Variants in BRI3BP observed in about 807,000 individuals in gnomAD.
BRI3BP encodes BRI3 binding protein, also known as BRI3-binding protein.
In BRI3BP, 7 loss-of-function variants were observed where a neutral mutation model predicts 15.8. The ratio of observed to expected loss-of-function variants is 0.44; its 90% CI spans 0.25 to 0.83. The LOEUF (loss-of-function observed/expected upper bound fraction) is 0.83. Ranked by LOEUF, BRI3BP falls within the 40% of genes least tolerant of loss-of-function variation. The probability of loss-of-function intolerance (pLI) is 0.20; values close to 1 mark genes in which losing one functional copy is unlikely to be tolerated. For synonymous variants in BRI3BP, 192 were observed against 163.5 expected, an observed-to-expected ratio of 1.17 and a Z score of -1.33; for missense variants, 320 against 339.3, an observed-to-expected ratio of 0.94 and a Z score of 0.45.
chr12:125,033,532 G>A (rs935979465), downstream of BRI3BP, among the ~76,000 whole-genome samples: 7 of 151,676 alleles, frequency 4.6e-5, no homozygotes, highest in Non-Finnish European at 8.8e-5. Flanking sequence ...TCCTGCTTGC[G>A]CATTCCCCTT....
At position 125,017,016 on chromosome 12, in the gene BRI3BP, A is replaced by AT. The variant is rs201493577; in HGVS notation, c.316+4382dup. Among the ~76,000 whole-genome samples the AT allele has an allele frequency of 8.2e-4, 114 of 139,458 alleles. 1 individual carries two copies. The highest frequency in any genetic ancestry group is 2.5e-3 in the African/African-American group (96 of 37,838). The allele number at this position is 139,458 out of a possible 152,430, so 91.5% of individuals were successfully genotyped here. On this transcript the variant is annotated intron_variant, in intron 2 of 2. Transcript: ENST00000341446. ...ACATCTGGCTAACGTTTGTATTATT[A>AT]TTATTATTTTTTTTTTTCTGAGACC...
chr12:125,043,625 G>A, the BRI3BP span, among the ~76,000 whole-genome samples: 1 of 151,982 alleles, frequency 6.6e-6, no homozygotes, highest in Non-Finnish European at 1.5e-5. Context: ...GGGAGGCCGA[G>A]GTGGGCCAAT....
chr12:125,041,810 C>T, the BRI3BP span, among the ~76,000 whole-genome samples: 2 of 152,226 alleles, frequency 1.3e-5, no homozygotes, highest in Admixed American at 1.3e-4. Context: ...AATCCTTCCC[C>T]CTTAGTCTCC....
At chr12:124,998,613 G>A (rs1211564680) in intron 1 of BRI3BP, among the ~76,000 whole-genome samples, 1 of 152,130 alleles carries the variant, frequency 6.6e-6, no homozygotes, top group Non-Finnish European at 1.5e-5. Flanking sequence ...GGGGGAGGGA[G>A]CAATGGGGGA....
At chr12:125,044,586 A>C in the BRI3BP span, among the ~76,000 whole-genome samples, 3 of 150,414 alleles carry the variant, frequency 2.0e-5, no homozygotes, top group Admixed American at 1.3e-4. Flanking sequence ...AGTAGCTGGG[A>C]TACAAGCATG....
chr12:125,029,352 A>T lies in BRI3BP; in HGVS notation c.*3922A>T. On this transcript the variant is annotated 3_prime_UTR_variant, in exon 3 of 3. Coordinates refer to ENST00000341446, the MANE Select transcript of BRI3BP (RefSeq NM_080626.6). ...AACATAGTGAAATCCCGTCTCTACCAAAAAATACAAAAAAAAAAAAAAAAA... is the reference window on the plus strand; with the variant it reads ...AACATAGTGAAATCCCGTCTCTACCTAAAAATACAAAAAAAAAAAAAAAAA... 1.6e-5 allele frequency: 1 copy of T among 63,820 alleles called. No homozygotes were observed. Among genetic ancestry groups the T allele is most frequent in the African/African-American group, 6.9e-5 (1 of 14,438 alleles). 4.0% of individuals were successfully genotyped at this position (63,820 alleles called of 1,614,324 possible).
At chr12:125,006,658 G>T (rs772410664) in intron 1 of BRI3BP, among the ~76,000 whole-genome samples, 2 of 152,222 alleles carry the variant, frequency 1.3e-5, no homozygotes, top group Admixed American at 6.5e-5. Context: ...GGCACCTGCC[G>T]TGTGCTGGGC....
At chr12:124,997,942 T>C (rs933411323) in intron 1 of BRI3BP, among the ~76,000 whole-genome samples, 7 of 152,090 alleles carry the variant, frequency 4.6e-5, no homozygotes, top group Non-Finnish European at 1.0e-4. Context: ...CTGACCAACA[T>C]GGTGAAACCC....
chr12:125,022,712 A>C (rs2135999328), intron 2 of BRI3BP, among the ~76,000 whole-genome samples: 1 of 152,040 alleles, frequency 6.6e-6, no homozygotes, highest in Admixed American at 6.6e-5. Flanking sequence ...TTTTTAGTAG[A>C]GATGGGGTTT....
Position 125,021,012 on chromosome 12 carries a change from A to G in BRI3BP, c.317-3979A>G, listed in dbSNP as rs118069543. Among the ~76,000 whole-genome samples, 977 of 152,366 alleles carry G rather than the reference A, an allele frequency of 6.4e-3. 7 individuals carry two copies. The highest frequency in any genetic ancestry group is 0.017 in the Middle Eastern group (5 of 292). ...AAACGAAAGCTCTGGGGACGCTTCA[A>G]TAATACTGAAGAGTGCAAACGGTCT... On this transcript the variant is annotated intron_variant, in intron 2 of 2. Transcript: ENST00000341446.
chr12:125,010,586 G>A (rs1275930611), intron 1 of BRI3BP, among the ~76,000 whole-genome samples: 7 of 151,948 alleles, frequency 4.6e-5, no homozygotes, highest in Non-Finnish European at 8.8e-5. Flanking sequence ...AGACCATCCT[G>A]GCCAACATGG....
intron 1 of BRI3BP, among the ~76,000 whole-genome samples, chr12:125,003,530 G>T (rs1417593616): frequency 6.6e-6 from 1 of 152,072 alleles, no homozygotes; most frequent in Non-Finnish European, 1.5e-5. Context: ...TGCCATTCTG[G>T]TTACTTCTTT....
rs972333995 is a variant in BRI3BP at position 125,015,388 on chromosome 12, T to C, written c.316+2752T>C. Among the ~76,000 whole-genome samples the C allele has an allele frequency of 5.3e-5, 8 of 152,148 alleles. No individual in the cohort carries two copies. In the East Asian group the frequency reaches 1.4e-3, roughly 26 times the overall value. On this transcript the variant is annotated intron_variant, in intron 2 of 2. Transcript: ENST00000341446. Reference sequence around the variant, plus strand: ...GACGGAGCCACAAGCCAAGGAACACTGGGACCACCAGAAGCTGGAAGAGGC... The same window carrying C: ...GACGGAGCCACAAGCCAAGGAACACCGGGACCACCAGAAGCTGGAAGAGGC...
chr12:125,012,279 G>C (rs1955203144), intron 1 of BRI3BP, among the ~76,000 whole-genome samples: 1 of 152,206 alleles, frequency 6.6e-6, no homozygotes, highest in African/African-American at 2.4e-5. Flanking sequence ...CGGCCCTGCA[G>C]AGAGTCCCAG....
At chr12:125,031,575 T>A (rs1955406067), downstream of BRI3BP, among the ~76,000 whole-genome samples, 1 of 54,266 alleles carries the variant, frequency 1.8e-5, no homozygotes, top group South Asian at 8.8e-4. Context: ...TTTCTTTCTA[T>A]TTTTTTTTTT....
At chr12:125,014,379 A>G (rs7963668) in intron 2 of BRI3BP, among the ~76,000 whole-genome samples, 21,118 of 152,176 alleles carry the variant, frequency 0.14, 1,564 homozygotes, top group Admixed American at 0.16. Flanking sequence ...CTACAGGCTC[A>G]CCGGTTCCCT....
chr12:124,994,441 C>G lies in BRI3BP; in HGVS notation c.213+438C>G, dbSNP rs1414869968. On this transcript the variant is annotated intron_variant, in intron 1 of 2. Transcript: ENST00000341446. Reference sequence around the variant, plus strand: ...TAGCCTCGCATCCCGACCCACTTCCCCTGGGACCTTCTGCCCCACTCCTCC... The same window carrying G: ...TAGCCTCGCATCCCGACCCACTTCCGCTGGGACCTTCTGCCCCACTCCTCC... Among the ~76,000 whole-genome samples the G allele has an allele frequency of 3.9e-5, 6 of 152,316 alleles. No homozygotes were observed. In the East Asian group the frequency reaches 7.7e-4, roughly 20 times the overall value.
chr12:125,002,581 C>T (rs1366688547), intron 1 of BRI3BP, among the ~76,000 whole-genome samples: 3 of 151,914 alleles, frequency 2.0e-5, no homozygotes, highest in Admixed American at 1.3e-4. Context: ...CTCAGCCTCC[C>T]GAGTAGCTGG....
intron 1 of BRI3BP, among the ~76,000 whole-genome samples, chr12:124,997,860 C>T (rs545335215): frequency 2.8e-4 from 42 of 152,018 alleles, no homozygotes; most frequent in Non-Finnish European, 5.4e-4. Context: ...TGTGGTGGCT[C>T]ACGCCTGTAA....
Sources: allele counts gnomAD v4.1 joint callset (sites outside exome capture counted in the v4.1 genomes callset), GRCh38; gene constraint gnomAD v4.1.1; transcripts MANE v1.5; gene names NCBI Gene and HGNC (gene_info 2026-07-23, HGNC 2026-07-21).